Variants in BCAS3 observed in about 807,000 individuals in gnomAD.
BCAS3 encodes the protein BCAS4/BCAS3 fusion.
A neutral mutation model predicts 116.1 loss-of-function variants in BCAS3; 53 were observed. The ratio of observed to expected loss-of-function variants is 0.46; its 90% confidence interval spans 0.37 to 0.57. The LOEUF is 0.57. Among genes scored for constraint, BCAS3 ranks in the 20% least tolerant of loss-of-function variants. The probability of loss-of-function intolerance (pLI) is 0.00; values close to 1 mark genes in which losing one functional copy is unlikely to be tolerated. For missense variants in BCAS3, 917 were observed against 1,165.4 expected, an observed-to-expected ratio of 0.79 and a Z score of 3.10; for synonymous variants, 391 against 408.2, an observed-to-expected ratio of 0.96 and a Z score of 0.51.
intron 22 of BCAS3, among the ~76,000 whole-genome samples, chr17:61,169,036 T>C (rs2078686167): frequency 6.6e-6 from 1 of 152,206 alleles, no homozygotes; most frequent in Non-Finnish European, 1.5e-5. Flanking sequence ...CAAAAATCAT[T>C]ATTTATTTTG....
At chr17:60,988,182 G>T (rs1422579542) in intron 14 of BCAS3, among the ~76,000 whole-genome samples, 2 of 133,618 alleles carry the variant, frequency 1.5e-5, no homozygotes, top group Non-Finnish European at 1.5e-5. Flanking sequence ...CCACTTGGTT[G>T]TGATTTTTTT....
chr17:60,718,641 A>T (rs2038909796), intron 5 of BCAS3, among the ~76,000 whole-genome samples: 1 of 152,130 alleles, frequency 6.6e-6, no homozygotes. Flanking sequence ...TTGGTAGGTG[A>T]TACCTTGAGG....
At chr17:60,872,333 A>G (rs2055179530) in intron 8 of BCAS3, among the ~76,000 whole-genome samples, 1 of 151,800 alleles carries the variant, frequency 6.6e-6, no homozygotes, top group African/African-American at 2.4e-5. Flanking sequence ...CTGTATGTAT[A>G]TGCACACATA....
At chr17:60,974,368 A>T (rs1429407695) in intron 14 of BCAS3, among the ~76,000 whole-genome samples, 1 of 152,142 alleles carries the variant, frequency 6.6e-6, no homozygotes, top group Non-Finnish European at 1.5e-5. Flanking sequence ...TAATTTTTTT[A>T]AGTTTTGATA....
At chr17:60,721,942 A>C (rs1286297783) in intron 5 of BCAS3, among the ~76,000 whole-genome samples, 3 of 152,122 alleles carry the variant, frequency 2.0e-5, no homozygotes, top group African/African-American at 7.2e-5. Flanking sequence ...TGAATGTCTA[A>C]GAAATATGGT....
intron 5 of BCAS3, among the ~76,000 whole-genome samples, chr17:60,728,615 G>T (rs2040146731): frequency 6.6e-6 from 1 of 152,004 alleles, no homozygotes; most frequent in South Asian, 2.1e-4. Flanking sequence ...AAGTAGCTGG[G>T]ATTACAGGTG....
intron 17 of BCAS3, among the ~76,000 whole-genome samples, chr17:61,036,888 C>CAA (rs2067078526): frequency 6.6e-6 from 1 of 152,088 alleles, no homozygotes; most frequent in East Asian, 1.9e-4. Context: ...CACATGCATG[C>CAA]CTGTGTATGT....
rs2048827847 is a variant in BCAS3 at position 61,256,988 on chromosome 17, A to T, written c.2426-111339A>T. Among the ~76,000 whole-genome samples, 2 of 152,160 alleles carry T rather than the reference A, an allele frequency of 1.3e-5. No individual in the cohort carries two copies. The highest frequency in any genetic ancestry group is 2.4e-5 in the African/African-American group (1 of 41,440). On this transcript the variant is annotated intron_variant, in intron 22 of 23. Coordinates refer to ENST00000407086, the MANE Select transcript of BCAS3 (RefSeq NM_017679.5). The surrounding 1 kb of genome is among the most constrained non-coding windows in gnomAD (Gnocchi z 5.6). ...TCAAGATTTTTGGATTTAAAAAAAA[A>T]TTTACATTATGCTTTTTATTTACAC...
chr17:61,037,197 G>A lies in BCAS3; in HGVS notation c.1763-692G>A, dbSNP rs1422469986. Reference sequence around the variant, plus strand: ...AACTAACCTTTCATGCAAGTCATTTGGTACATGCAGGGTAACTAAATCCTA... The same window carrying A: ...AACTAACCTTTCATGCAAGTCATTTAGTACATGCAGGGTAACTAAATCCTA... On this transcript the variant is annotated intron_variant, in intron 17 of 23. Transcript: ENST00000407086. The surrounding 1 kb of genome is among the most constrained non-coding windows in gnomAD (Gnocchi z 4.7). 6.6e-6 allele frequency among the ~76,000 whole-genome samples: 1 copy of A among 152,118 alleles called. No individual in the cohort carries two copies. Among genetic ancestry groups the A allele is most frequent in the African/African-American group, 2.4e-5 (1 of 41,408 alleles).
chr17:60,770,453 C>G (rs8065538), intron 6 of BCAS3, among the ~76,000 whole-genome samples: 1 of 113,036 alleles, frequency 8.8e-6, no homozygotes, highest in South Asian at 3.5e-4. Flanking sequence ...AGAGTCTTGC[C>G]TTGTCACCAG....
At chr17:61,319,563 CT>C (rs935864446) in intron 22 of BCAS3, among the ~76,000 whole-genome samples, 77 of 133,062 alleles carry the variant, frequency 5.8e-4, no homozygotes, top group East Asian at 4.1e-3. Context: ...GCTATAGAGG[CT>C]TTTTTTTTTT....
intron 13 of BCAS3, among the ~76,000 whole-genome samples, chr17:60,942,998 A>C (rs2060303152): frequency 6.6e-6 from 1 of 152,170 alleles, no homozygotes; most frequent in African/African-American, 2.4e-5. Flanking sequence ...GATATAGCTC[A>C]AAAGTCCATA....
intron 22 of BCAS3, among the ~76,000 whole-genome samples, chr17:61,174,141 GT>G (rs1430224488): frequency 2.0e-5 from 3 of 152,094 alleles, no homozygotes; most frequent in African/African-American, 7.2e-5. Context: ...CAACATGATT[GT>G]TTTTGTGTGT....
chr17:61,036,805 A>G (rs991273239), intron 17 of BCAS3, among the ~76,000 whole-genome samples: 3 of 152,236 alleles, frequency 2.0e-5, no homozygotes, highest in African/African-American at 7.2e-5. Flanking sequence ...TTCTCAAAGT[A>G]TGGCTGATCT....
chr17:60,845,563 C>A (rs779320729), intron 7 of BCAS3, among the ~76,000 whole-genome samples: 1 of 152,276 alleles, frequency 6.6e-6, no homozygotes, highest in South Asian at 2.1e-4. Context: ...CTGCTTCATT[C>A]TAAAACATTT....
chr17:60,952,743 A>AT (rs1355901491), intron 14 of BCAS3, among the ~76,000 whole-genome samples: 1 of 151,670 alleles, frequency 6.6e-6, no homozygotes, highest in Admixed American at 6.6e-5. Context: ...CTCAGTAGTT[A>AT]TTTTTTTCTG....
At chr17:60,929,971 G>T (rs2059563138) in intron 13 of BCAS3, among the ~76,000 whole-genome samples, 1 of 151,740 alleles carries the variant, frequency 6.6e-6, no homozygotes, top group South Asian at 2.1e-4. Flanking sequence ...GTCTATCATT[G>T]TTGGACATTT....
At chr17:61,374,580 A>G (rs914349884) in intron 23 of BCAS3, among the ~76,000 whole-genome samples, 1 of 152,134 alleles carries the variant, frequency 6.6e-6, no homozygotes, top group Non-Finnish European at 1.5e-5. Flanking sequence ...TCTTCTTTAC[A>G]GTGACAGCAT....
At chr17:60,971,545 G>A (rs547255219) in intron 14 of BCAS3, among the ~76,000 whole-genome samples, 10 of 152,276 alleles carry the variant, frequency 6.6e-5, no homozygotes, top group African/African-American at 1.9e-4. Flanking sequence ...GCCTTCCAGA[G>A]TTGTTGGGGT....
Sources: allele counts gnomAD v4.1 joint callset (sites outside exome capture counted in the v4.1 genomes callset), GRCh38; gene constraint gnomAD v4.1.1; non-coding constraint Gnocchi (gnomAD v3.1); transcripts MANE v1.5; gene names NCBI Gene and HGNC (gene_info 2026-07-23, HGNC 2026-07-21).